DOCK3: variants seen among roughly 807,000 people sequenced by gnomAD.
DOCK3 encodes the protein dedicator of cytokinesis 3.
In DOCK3, 60 loss-of-function variants were observed where a neutral mutation model predicts 265.6. The ratio of observed to expected loss-of-function variants is 0.23; its 90% CI spans 0.18 to 0.28. The LOEUF is 0.28. DOCK3 is among the 10% of genes least tolerant of loss of function. The pLI is 1.00. For synonymous variants in DOCK3, 881 were observed against 938.0 expected (o/e 0.94, Z 1.11); for missense variants, 1,981 against 2,594.3 (o/e 0.76, Z 5.14).
At chr3:50,938,555 C>A (rs2051521526) in intron 5 of DOCK3, among the ~76,000 whole-genome samples, 1 of 151,740 alleles carries the variant, frequency 6.6e-6, no homozygotes, top group Non-Finnish European at 1.5e-5. Flanking sequence ...TAATTGAAGT[C>A]ATACAAAGGA....
Position 50,691,005 on chromosome 3 carries a change from G to A in DOCK3, c.37+15705G>A, listed in dbSNP as rs1006845081. On this transcript the variant is annotated intron_variant, in intron 1 of 52. Coordinates refer to ENST00000266037, the MANE Select transcript of DOCK3 (RefSeq NM_004947.5). ...CTCATATAAATGTAATCATATGGCC[G>A]GGCGCGGTGGCTCATGCCTGTAATC... Among the ~76,000 whole-genome samples, 7 of 151,840 alleles carry A rather than the reference G, an allele frequency of 4.6e-5. No homozygotes were observed. The East Asian group carries it at 7.9e-4, about 17-fold the overall frequency.
intron 51 of DOCK3, among the ~76,000 whole-genome samples, chr3:51,378,434 A>G (rs2088319845): frequency 6.6e-6 from 1 of 152,174 alleles, no homozygotes; most frequent in Admixed American, 6.5e-5. Flanking sequence ...AAAGCCTGTC[A>G]GCTCCCATTA....
intron 3 of DOCK3, among the ~76,000 whole-genome samples, chr3:50,844,607 G>A (rs2045994171): frequency 6.6e-6 from 1 of 152,018 alleles, no homozygotes; most frequent in Non-Finnish European, 1.5e-5. Flanking sequence ...TTTGTTCCCT[G>A]TATTATTTTG....
At chr3:50,885,775 T>C (rs2048297018) in intron 3 of DOCK3, among the ~76,000 whole-genome samples, 1 of 152,100 alleles carries the variant, frequency 6.6e-6, no homozygotes. Flanking sequence ...CCTCTTACGT[T>C]ACCCCAATGT....
In DOCK3 at chr3:50,675,270, A is replaced by G. The variant is rs769279606; in HGVS notation, c.7A>G (p.Thr3Ala). The change falls in exon 1 of 53, where the codon ACC becomes GCC. Residue 3 changes from threonine (T) to alanine (A), a missense_variant. Thr to Ala is a moderately conservative substitution (Grantham distance 58). This residue lies in a region of DOCK3 where 456 missense variants were observed against 539.0 expected (regional missense o/e 0.85). Coordinates refer to ENST00000266037, the MANE Select transcript of DOCK3 (RefSeq NM_004947.5). The surrounding 1 kb of genome is among the most constrained non-coding windows in gnomAD (Gnocchi z 6.1). MW[T>A]PTEEEKYGVV... ...GGCCGCGCCCGGCACGGCCATGTGGACCCCCACGGAGGAGGAGAAATACGG... is the reference window on the plus strand; with the variant it reads ...GGCCGCGCCCGGCACGGCCATGTGGGCCCCCACGGAGGAGGAGAAATACGG... 3.4e-5 allele frequency: 43 copies of G among 1,252,322 alleles called. No homozygotes were observed. The South Asian group carries it at 6.5e-4, about 19-fold the overall frequency. The allele number at this position is 1,252,322 out of a possible 1,614,324, so 77.6% of individuals were successfully genotyped here. A position where few individuals can be genotyped will look rare whatever the true frequency, so the allele number is the denominator to read the frequency against.
intron 2 of DOCK3, among the ~76,000 whole-genome samples, chr3:50,816,158 A>G (rs927652596): frequency 3.3e-5 from 5 of 152,120 alleles, no homozygotes; most frequent in Non-Finnish European, 5.9e-5. Context: ...GTCCAAAACA[A>G]TGACCTTTCA....
At chr3:51,062,527 C>T (rs1054309925) in intron 5 of DOCK3, among the ~76,000 whole-genome samples, 1 of 152,172 alleles carries the variant, frequency 6.6e-6, no homozygotes, top group African/African-American at 2.4e-5. Flanking sequence ...TTCCCCAGTG[C>T]CCCAGCCAGC....
At chr3:50,885,633 G>A (rs981839332) in intron 3 of DOCK3, among the ~76,000 whole-genome samples, 1 of 152,132 alleles carries the variant, frequency 6.6e-6, no homozygotes, top group African/African-American at 2.4e-5. Context: ...AAGGCTGACG[G>A]AGGGAGTCCT....
intron 32 of DOCK3, among the ~76,000 whole-genome samples, chr3:51,324,919 A>G (rs924231937): frequency 6.6e-6 from 1 of 152,236 alleles, no homozygotes; most frequent in Non-Finnish European, 1.5e-5. Context: ...TATTAACTCA[A>G]CGTGGATTAA....
At chr3:51,107,579 G>A (rs1037468731) in intron 9 of DOCK3, among the ~76,000 whole-genome samples, 3 of 152,174 alleles carry the variant, frequency 2.0e-5, no homozygotes, top group Admixed American at 6.5e-5. Flanking sequence ...AGACCAAGCT[G>A]AGGAGAGAAT....
intron 2 of DOCK3, among the ~76,000 whole-genome samples, chr3:50,816,654 C>G (rs148433675): frequency 1.3e-5 from 2 of 152,176 alleles, no homozygotes; most frequent in East Asian, 1.9e-4. Context: ...TGGTGCCTCT[C>G]CTATCTAGGC....
chr3:51,224,097 A>G (rs2090217700), intron 14 of DOCK3, among the ~76,000 whole-genome samples: 1 of 152,234 alleles, frequency 6.6e-6, no homozygotes, highest in African/African-American at 2.4e-5. Context: ...TGATTTTCAA[A>G]ACACATTTTC....
At chr3:50,803,637 C>T (rs553214319) in intron 2 of DOCK3, among the ~76,000 whole-genome samples, 2 of 151,784 alleles carry the variant, frequency 1.3e-5, no homozygotes, top group Non-Finnish European at 2.9e-5. Flanking sequence ...CCCCACCTCC[C>T]AGACAGCGTG....
chr3:51,240,270 A>G (rs937979835), intron 21 of DOCK3, among the ~76,000 whole-genome samples: 2 of 152,210 alleles, frequency 1.3e-5, no homozygotes, highest in Non-Finnish European at 1.5e-5. Flanking sequence ...TGAATTTCTT[A>G]GTCTTGATTT....
intron 2 of DOCK3, among the ~76,000 whole-genome samples, chr3:50,809,909 GC>G (rs2043640381): frequency 6.6e-6 from 1 of 152,164 alleles, no homozygotes; most frequent in Non-Finnish European, 1.5e-5. Flanking sequence ...GGAGGTCGAG[GC>G]AGGAGAATCA....
intron 3 of DOCK3, among the ~76,000 whole-genome samples, chr3:50,880,316 C>CA (rs202160210): frequency 0.046 from 7,002 of 152,096 alleles, 221 homozygotes; most frequent in Non-Finnish European, 0.069. Flanking sequence ...AAAAACCCTT[C>CA]AAAAAATCAA....
At chr3:50,943,563 TG>T (rs2076352442) in intron 5 of DOCK3, among the ~76,000 whole-genome samples, 10 of 152,154 alleles carry the variant, frequency 6.6e-5, no homozygotes, top group African/African-American at 2.4e-4. Flanking sequence ...AGGTGTTAGA[TG>T]TTTTCTTTTT....
chr3:50,857,920 A>G (rs1037191837), intron 3 of DOCK3, among the ~76,000 whole-genome samples: 3 of 152,228 alleles, frequency 2.0e-5, no homozygotes, highest in Non-Finnish European at 2.9e-5. Context: ...CAGTAATCCC[A>G]TTACTGGGTG....
intron 9 of DOCK3, among the ~76,000 whole-genome samples, chr3:51,131,839 G>A (rs1183074235): frequency 6.6e-6 from 1 of 152,202 alleles, no homozygotes; most frequent in African/African-American, 2.4e-5. Context: ...TTGTAGTTGA[G>A]TGACTGTGGT....
Sources: gnomAD v4.1 joint callset for allele counts (sites outside exome capture counted in the v4.1 genomes callset) on GRCh38, gnomAD v4.1.1 for gene constraint, gnomAD v4.1.1 regional missense constraint, Gnocchi (gnomAD v3.1) non-coding constraint, MANE v1.5 for transcripts, NCBI Gene and HGNC (gene_info 2026-07-23, HGNC 2026-07-21) for gene names.